NRG3: variants seen among roughly 807,000 people sequenced by gnomAD.
NRG3 encodes pro-neuregulin-3, membrane-bound isoform.
NRG3 carries 31 observed loss-of-function variants against 66.9 expected under a neutral mutation model. That is an observed-to-expected ratio of 0.46 (90% CI 0.35 to 0.63). NRG3 has a LOEUF of 0.63. Among genes scored for constraint, NRG3 ranks in the 20% least tolerant of loss-of-function variants. NRG3 has a pLI of 0.00. For missense variants in NRG3, 910 were observed against 878.9 expected (o/e 1.04, Z -0.45); for synonymous variants, 393 against 359.4 (o/e 1.09, Z -1.06).
At chr10:82,603,443 C>A in intron 2 of NRG3, among the ~76,000 whole-genome samples, 1 of 152,158 alleles carries the variant, frequency 6.6e-6, no homozygotes, top group Admixed American at 6.6e-5. Flanking sequence ...CTTTGAATAT[C>A]ACTTAAGCTT....
intron 3 of NRG3, among the ~76,000 whole-genome samples, chr10:82,774,190 T>C (rs1051995723): frequency 1.3e-5 from 2 of 152,202 alleles, no homozygotes. Flanking sequence ...AGTGTTTTAT[T>C]GAGTATTTTT....
intron 1 of NRG3, among the ~76,000 whole-genome samples, chr10:82,130,132 G>A (rs1458610257): frequency 6.6e-6 from 1 of 151,202 alleles, no homozygotes. Context: ...CTGTGTATAT[G>A]TATCATATTT....
At chr10:82,568,865 C>T (rs989526296) in intron 2 of NRG3, among the ~76,000 whole-genome samples, 9 of 151,662 alleles carry the variant, frequency 5.9e-5, no homozygotes, top group African/African-American at 2.2e-4. Flanking sequence ...TTTGGTCTGT[C>T]CAAGCAGAAT....
In NRG3 at chr10:82,965,479, T is replaced by C. The variant is rs1053886806; in HGVS notation, c.1284+6404T>C. ...GGCTGGGCACTGTGGTTCACACGTA[T>C]GATCCCAGCACTTTGGAAGGCAAAG... On this transcript the variant is annotated intron_variant, in intron 6 of 8. Coordinates refer to ENST00000372141, the MANE Select transcript of NRG3 (RefSeq NM_001010848.4). Among the ~76,000 whole-genome samples, 7 of 152,296 alleles carry C rather than the reference T, an allele frequency of 4.6e-5. No homozygotes were observed. In the South Asian group the frequency reaches 8.3e-4, roughly 18 times the overall value.
intron 1 of NRG3, among the ~76,000 whole-genome samples, chr10:82,209,718 AC>A (rs2075304655): frequency 6.6e-6 from 1 of 152,116 alleles, no homozygotes; most frequent in African/African-American, 2.4e-5. Context: ...TTAGGAATGT[AC>A]TTTTCTTTAT....
intron 2 of NRG3, among the ~76,000 whole-genome samples, chr10:82,394,240 A>C (rs537217665): frequency 6.6e-6 from 1 of 152,274 alleles, no homozygotes; most frequent in African/African-American, 2.4e-5. Flanking sequence ...CATGCTCTCC[A>C]GTCCTCTAAG....
chr10:81,921,217 A>G (rs762503926), intron 1 of NRG3, among the ~76,000 whole-genome samples: 1 of 152,026 alleles, frequency 6.6e-6, no homozygotes, highest in Non-Finnish European at 1.5e-5. Context: ...ATGGGATTCC[A>G]TCATATTGTC....
intron 2 of NRG3, among the ~76,000 whole-genome samples, chr10:82,499,109 G>A (rs1413141553): frequency 6.6e-6 from 1 of 152,166 alleles, no homozygotes; most frequent in Non-Finnish European, 1.5e-5. Context: ...TTGAGAAGAA[G>A]AGTCTGGCCT....
chr10:82,827,241 C>T (rs561274781), intron 3 of NRG3: 13 of 312,306 alleles, frequency 4.2e-5, no homozygotes, highest in Admixed American at 3.9e-4. Context: ...AATCATGTAA[C>T]GTAGATTAAA....
intron 3 of NRG3, among the ~76,000 whole-genome samples, chr10:82,750,261 T>A (rs1250573175): frequency 6.6e-6 from 1 of 152,208 alleles, no homozygotes; most frequent in African/African-American, 2.4e-5. Context: ...TTTCATAGAA[T>A]ATGATAGAGC....
chr10:82,231,111 G>C (rs2076433227), intron 1 of NRG3, among the ~76,000 whole-genome samples: 1 of 152,168 alleles, frequency 6.6e-6, no homozygotes, highest in Non-Finnish European at 1.5e-5. Context: ...GGGAGGCCGA[G>C]GAGGGTGGAT....
At chr10:82,268,234 A>G (rs1407653576) in intron 1 of NRG3, among the ~76,000 whole-genome samples, 3 of 152,036 alleles carry the variant, frequency 2.0e-5, no homozygotes, top group Non-Finnish European at 2.9e-5. Context: ...TACTATTATC[A>G]TTTTCCTTTT....
intron 1 of NRG3, among the ~76,000 whole-genome samples, chr10:82,169,094 C>G (rs1428004976): frequency 3.9e-5 from 6 of 152,110 alleles, no homozygotes; most frequent in Admixed American, 3.9e-4. Context: ...ACTCACATAT[C>G]TGCAAACATC....
chr10:82,009,722 G>A (rs1478343607), intron 1 of NRG3, among the ~76,000 whole-genome samples: 1 of 152,274 alleles, frequency 6.6e-6, no homozygotes, highest in South Asian at 2.1e-4. Flanking sequence ...CTTTCTAGGG[G>A]ACAATAATGG....
intron 2 of NRG3, among the ~76,000 whole-genome samples, chr10:82,735,264 T>C (rs986293301): frequency 6.6e-6 from 1 of 152,196 alleles, no homozygotes; most frequent in Non-Finnish European, 1.5e-5. Context: ...TGGCTGTGCT[T>C]CCTCTCCTGA....
intron 1 of NRG3, among the ~76,000 whole-genome samples, chr10:81,994,737 T>C (rs1387203081): frequency 6.6e-6 from 1 of 152,106 alleles, no homozygotes; most frequent in Non-Finnish European, 1.5e-5. Flanking sequence ...TGGTGTCTGA[T>C]TATATAGAAG....
At chr10:82,846,676 A>G (rs2063323451) in intron 3 of NRG3, among the ~76,000 whole-genome samples, 2 of 152,202 alleles carry the variant, frequency 1.3e-5, no homozygotes, top group African/African-American at 4.8e-5. Context: ...AGATAATAAA[A>G]CAAATACATA....
At chr10:82,456,861 A>G (rs1249639778) in intron 2 of NRG3, among the ~76,000 whole-genome samples, 1 of 152,130 alleles carries the variant, frequency 6.6e-6, no homozygotes, top group Non-Finnish European at 1.5e-5. Context: ...AGTGCTGAGG[A>G]AGGAAGCCTT....
At chr10:82,876,412 C>T (rs1841826404) in intron 4 of NRG3, among the ~76,000 whole-genome samples, 1 of 151,632 alleles carries the variant, frequency 6.6e-6, no homozygotes, top group Admixed American at 6.6e-5. Flanking sequence ...ATGAGCAGAG[C>T]TTCTAGTTTC....
Sources: gnomAD v4.1 joint callset for allele counts (sites outside exome capture counted in the v4.1 genomes callset) on GRCh38, gnomAD v4.1.1 for gene constraint, MANE v1.5 for transcripts, NCBI Gene and HGNC (gene_info 2026-07-23, HGNC 2026-07-21) for gene names.